The following THSD7A variants were observed in gnomAD, a reference collection of about 807,000 sequenced individuals.
THSD7A encodes thrombospondin type-1 domain-containing protein 7A.
In THSD7A, 96 loss-of-function variants were observed where a neutral mutation model predicts 231.3. The ratio of observed to expected loss-of-function variants is 0.41; its 90% CI spans 0.35 to 0.49. THSD7A has a LOEUF of 0.49. Ranked by LOEUF, THSD7A falls within the 20% of genes least tolerant of loss-of-function variation. The pLI, the probability that THSD7A is intolerant of heterozygous loss-of-function variation, is 0.05. For synonymous variants in THSD7A, 940 were observed against 743.3 expected (o/e 1.26, Z -4.30); for missense variants, 2,290 against 2,070.2 (o/e 1.11, Z -2.06).
intron 2 of THSD7A, among the ~76,000 whole-genome samples, chr7:11,606,283 A>G (rs1437113462): frequency 6.6e-6 from 1 of 152,152 alleles, no homozygotes; most frequent in Non-Finnish European, 1.5e-5. Flanking sequence ...AGACATGCAC[A>G]GTAAGACCAT....
intron 1 of THSD7A, among the ~76,000 whole-genome samples, chr7:11,660,846 C>A (rs77881528): frequency 6.6e-6 from 1 of 151,272 alleles, no homozygotes; most frequent in Non-Finnish European, 1.5e-5. Context: ...CCAAACGTCC[C>A]AAGGAGAACA....
chr7:11,678,356 G>A (rs1783725581), intron 1 of THSD7A, among the ~76,000 whole-genome samples: 1 of 152,114 alleles, frequency 6.6e-6, no homozygotes, highest in Non-Finnish European at 1.5e-5. Context: ...GAGCAGAACT[G>A]AAGGAGATAG....
intron 1 of THSD7A, among the ~76,000 whole-genome samples, chr7:11,785,566 G>A (rs956648109): frequency 9.9e-5 from 15 of 151,950 alleles, no homozygotes; most frequent in African/African-American, 3.4e-4. Context: ...CCCATTTTTT[G>A]CCTGCTGTTA....
At chr7:11,738,228 A>G (rs556267823) in intron 1 of THSD7A, among the ~76,000 whole-genome samples, 1 of 152,082 alleles carries the variant, frequency 6.6e-6, no homozygotes, top group East Asian at 2.0e-4. Context: ...AGCATCCCAA[A>G]TCTGAAAATC....
intron 1 of THSD7A, among the ~76,000 whole-genome samples, chr7:11,691,177 C>A (rs1344717104): frequency 6.6e-6 from 1 of 151,430 alleles, no homozygotes; most frequent in Non-Finnish European, 1.5e-5. Context: ...ATTTCTTGAA[C>A]TTGGTAAGTC....
At chr7:11,408,669 A>G (rs1783672970) in intron 19 of THSD7A, among the ~76,000 whole-genome samples, 1 of 152,156 alleles carries the variant, frequency 6.6e-6, no homozygotes, top group Non-Finnish European at 1.5e-5. Context: ...GATAATGGCA[A>G]AAATTTATTT....
intron 1 of THSD7A, among the ~76,000 whole-genome samples, chr7:11,769,153 A>ATATATTTT: frequency 1.8e-4 from 5 of 27,648 alleles, no homozygotes; most frequent in African/African-American, 3.7e-4. Flanking sequence ...ATATATATAT[A>ATATATTTT]TTTTTTTTTT....
intron 8 of THSD7A, among the ~76,000 whole-genome samples, chr7:11,471,412 TCAA>T (rs1470445014): frequency 1.3e-5 from 2 of 152,134 alleles, no homozygotes; most frequent in East Asian, 3.9e-4. Flanking sequence ...GTGAAAAAAG[TCAA>T]CATCATTAAT....
chr7:11,471,390 A>C (rs1470192733), intron 8 of THSD7A, among the ~76,000 whole-genome samples: 1 of 152,022 alleles, frequency 6.6e-6, no homozygotes, highest in African/African-American at 2.4e-5. Context: ...GGTTTTCAGA[A>C]GTGAACTACG....
At chr7:11,820,956 C>T in intron 1 of THSD7A, 1 of 1,031,584 alleles carries the variant, frequency 9.7e-7, no homozygotes, top group Non-Finnish European at 1.5e-6. Context: ...TTTTTTATGA[C>T]GTTCAATATC....
Position 11,482,033 on chromosome 7 carries a change from T to A in THSD7A, c.1823-51A>T, listed in dbSNP as rs553087795. ...CTATTATTGTTAAATTAATGTAAAA[T>A]GAGCAATTTAAACCAGATGGGCACC... is the stretch of plus-strand genomic sequence containing the variant. On this transcript the variant is annotated intron_variant, in intron 6 of 27. Transcript: ENST00000423059. The A allele has an allele frequency of 7.1e-5, 108 of 1,531,008 alleles. No homozygotes were observed. The African/African-American group carries it at 1.3e-3, about 19-fold the overall frequency. 94.8% of individuals were successfully genotyped at this position (1,531,008 alleles called of 1,614,324 possible).
At chr7:11,481,535 T>A (rs1786423655) in intron 7 of THSD7A, among the ~76,000 whole-genome samples, 2 of 152,164 alleles carry the variant, frequency 1.3e-5, no homozygotes, top group South Asian at 2.1e-4. Flanking sequence ...AGAACTCTAA[T>A]GACTGGAAGG....
chr7:11,783,786 T>C (rs1039267963), intron 1 of THSD7A, among the ~76,000 whole-genome samples: 1 of 152,058 alleles, frequency 6.6e-6, no homozygotes, highest in African/African-American at 2.4e-5. Flanking sequence ...TACACAATAG[T>C]CTAGAAATAG....
intron 4 of THSD7A, among the ~76,000 whole-genome samples, chr7:11,578,678 T>G (rs548377482): frequency 6.6e-6 from 1 of 152,202 alleles, no homozygotes. Flanking sequence ...GGAAGATGAT[T>G]AAGGTCTTGT....
chr7:11,518,160 A>T (rs1788111497), intron 6 of THSD7A, among the ~76,000 whole-genome samples: 1 of 152,070 alleles, frequency 6.6e-6, no homozygotes, highest in Admixed American at 6.6e-5. Flanking sequence ...TTGTTTGTTA[A>T]CCCCTTGCTT....
At chr7:11,655,119 T>G (rs1782655909) in intron 1 of THSD7A, among the ~76,000 whole-genome samples, 1 of 151,870 alleles carries the variant, frequency 6.6e-6, no homozygotes, top group Non-Finnish European at 1.5e-5. Context: ...CATTCAACAT[T>G]AGGAGCCTAT....
intron 6 of THSD7A, among the ~76,000 whole-genome samples, chr7:11,486,948 C>A (rs1021033419): frequency 6.6e-6 from 1 of 152,166 alleles, no homozygotes; most frequent in East Asian, 1.9e-4. Context: ...GAATACCCTA[C>A]GAAAGAGGTT....
intron 1 of THSD7A, among the ~76,000 whole-genome samples, chr7:11,781,857 T>C (rs888610988): frequency 2.6e-5 from 4 of 152,048 alleles, no homozygotes; most frequent in Non-Finnish European, 5.9e-5. Flanking sequence ...AAAAAGTGCA[T>C]TTTTTTTCTA....
chr7:11,376,653 C>T lies in THSD7A; in HGVS notation c.4806G>A (p.Gly1602=), dbSNP rs144799458. The change falls in exon 27 of 28, where the codon GGG becomes GGA. Residue 1602 remains glycine (G), a synonymous_variant. Coordinates refer to ENST00000423059, the MANE Select transcript of THSD7A (RefSeq NM_015204.3). The stretch of plus-strand genomic sequence containing the variant: ...CACCGTAAACCCAGGTCTTTAGTCT[C>T]CCATCTAAGAAGAATGGATATTAGT... The part of the protein sequence containing the change: ...TWFLQPFGPD[G]RLKTWVYGVA... 1,416 of 1,572,472 alleles carry T rather than the reference C, an allele frequency of 9.0e-4. 3 individuals are homozygous for T. Among genetic ancestry groups the T allele is most frequent in the Middle Eastern group, 2.8e-3 (17 of 5,998 alleles).
Sources: gnomAD v4.1 joint callset for allele counts (sites outside exome capture counted in the v4.1 genomes callset) on GRCh38, gnomAD v4.1.1 for gene constraint, MANE v1.5 for transcripts, NCBI Gene and HGNC (gene_info 2026-07-23, HGNC 2026-07-21) for gene names.